The following CLEC16A variants were observed in gnomAD, a reference collection of about 807,000 sequenced individuals.
CLEC16A encodes C-type lectin domain containing 16A.
Under a neutral mutation model 109.5 loss-of-function variants are expected in CLEC16A, and 51 were observed. The ratio of observed to expected loss-of-function variants is 0.47; its 90% confidence interval spans 0.37 to 0.59. CLEC16A has a LOEUF of 0.59. Among genes scored for constraint, CLEC16A ranks in the 20% least tolerant of loss-of-function variants. CLEC16A has a pLI of 0.00. For synonymous variants in CLEC16A, 673 were observed against 564.2 expected (o/e 1.19, Z -2.73); for missense variants, 1,339 against 1,394.0 (o/e 0.96, Z 0.63).
At chr16:11,103,047 A>C (rs2051011464) in intron 19 of CLEC16A, among the ~76,000 whole-genome samples, 1 of 152,206 alleles carries the variant, frequency 6.6e-6, no homozygotes, top group Non-Finnish European at 1.5e-5. Flanking sequence ...AGGGACAGAC[A>C]CAGAGGGAGG....
chr16:10,981,021 C>G (rs1468481054), intron 9 of CLEC16A, among the ~76,000 whole-genome samples: 1 of 152,162 alleles, frequency 6.6e-6, no homozygotes, highest in African/African-American at 2.4e-5. Context: ...CTGGGCCCAG[C>G]TTTTTGAGTC....
At chr16:11,033,357 C>G (rs1467161472) in intron 13 of CLEC16A, among the ~76,000 whole-genome samples, 2 of 152,062 alleles carry the variant, frequency 1.3e-5, no homozygotes, top group Non-Finnish European at 2.9e-5. Flanking sequence ...CCCTGTGTGA[C>G]CAATAGTGCC....
intron 12 of CLEC16A, among the ~76,000 whole-genome samples, chr16:11,022,442 G>A (rs1179543853): frequency 6.9e-6 from 1 of 145,684 alleles, no homozygotes; most frequent in African/African-American, 2.6e-5. Flanking sequence ...TCCTGCCTCA[G>A]CCTTCCTGAG....
chr16:11,046,269 C>T (rs1392807887), intron 16 of CLEC16A, among the ~76,000 whole-genome samples: 5 of 152,128 alleles, frequency 3.3e-5, no homozygotes, highest in African/African-American at 7.2e-5. Flanking sequence ...GATCCCTTCT[C>T]CCAACCCAGA....
intron 1 of CLEC16A, among the ~76,000 whole-genome samples, chr16:10,948,164 A>G (rs1033539697): frequency 4.6e-5 from 7 of 152,186 alleles, no homozygotes; most frequent in Non-Finnish European, 5.9e-5. Flanking sequence ...AAGTGCTGGG[A>G]TTACAGGCAT....
chr16:10,987,726 A>G (rs542307133), intron 10 of CLEC16A, among the ~76,000 whole-genome samples: 1 of 152,332 alleles, frequency 6.6e-6, no homozygotes, highest in South Asian at 2.1e-4. Context: ...GGTACGATTT[A>G]CCTTCCTTCC....
intron 12 of CLEC16A, 79 bp from the exon 13 acceptor site, chr16:11,024,742 A>C (rs950887360): frequency 9.1e-6 from 10 of 1,097,862 alleles, no homozygotes; most frequent in Non-Finnish European, 1.3e-5. Flanking sequence ...GGCAGCTAGC[A>C]CCCCATGTGC....
intron 20 of CLEC16A, among the ~76,000 whole-genome samples, chr16:11,122,156 G>C (rs527790406): frequency 8.5e-5 from 13 of 152,314 alleles, no homozygotes; most frequent in Non-Finnish European, 1.6e-4. Context: ...CTGACCTGCT[G>C]TCTGTGTCCT....
chr16:11,151,927 C>T (rs943693852), intron 22 of CLEC16A, among the ~76,000 whole-genome samples: 2 of 152,038 alleles, frequency 1.3e-5, no homozygotes, highest in Non-Finnish European at 2.9e-5. Context: ...GTGAGGAACC[C>T]GGGAAGTGAG....
intron 6 of CLEC16A, 98 bp downstream of exon 6, chr16:10,972,657 G>A (rs1321206579): frequency 8.8e-7 from 1 of 1,135,772 alleles, no homozygotes; most frequent in Non-Finnish European, 1.3e-6. Context: ...GTCTAGCTCA[G>A]TCTGCTACTG....
intron 13 of CLEC16A, among the ~76,000 whole-genome samples, chr16:11,033,441 T>C (rs1161832082): frequency 6.6e-6 from 1 of 152,188 alleles, no homozygotes; most frequent in African/African-American, 2.4e-5. Context: ...TCCGGTGCCC[T>C]GAGGCCCAGG....
intron 10 of CLEC16A, among the ~76,000 whole-genome samples, chr16:10,991,457 G>C (rs899733176): frequency 2.7e-5 from 4 of 149,226 alleles, no homozygotes; most frequent in Non-Finnish European, 4.4e-5. Flanking sequence ...AGAACAGCCA[G>C]TGCAAAGGCC....
intron 22 of CLEC16A, among the ~76,000 whole-genome samples, chr16:11,160,733 C>G (rs1169037899): frequency 1.3e-5 from 2 of 152,212 alleles, no homozygotes; most frequent in Non-Finnish European, 2.9e-5. Flanking sequence ...ATTTCCCTCT[C>G]GGGTAAAAGA....
At chr16:11,097,551 G>T (rs1002433693) in intron 19 of CLEC16A, among the ~76,000 whole-genome samples, 16 of 152,028 alleles carry the variant, frequency 1.1e-4, no homozygotes, top group Non-Finnish European at 2.9e-5. Flanking sequence ...AAGGAGCACC[G>T]ACACAGAACT....
At chr16:10,994,932 G>T (rs560436565) in intron 10 of CLEC16A, among the ~76,000 whole-genome samples, 11 of 152,336 alleles carry the variant, frequency 7.2e-5, no homozygotes, top group African/African-American at 2.6e-4. Context: ...TCGTGTTTGA[G>T]CCATGTGGCA....
Position 11,182,147 on chromosome 16 carries a change from A to G in CLEC16A, c.*3457A>G, listed in dbSNP as rs1187940424. 6.6e-6 allele frequency: 1 copy of G among 152,226 alleles called. No individual in the cohort carries two copies. The highest frequency in any genetic ancestry group is 1.5e-5 in the Non-Finnish European group (1 of 68,038). 9.4% of individuals were successfully genotyped at this position (152,226 alleles called of 1,614,324 possible). On this transcript the variant is annotated 3_prime_UTR_variant, in exon 24 of 24. Transcript: ENST00000409790. ...GAAATGAAAACTGGAACTTCCTTGTAAATTTAAACTTGGCAATAAAAGAGA... is the reference window on the plus strand; with the variant it reads ...GAAATGAAAACTGGAACTTCCTTGTGAATTTAAACTTGGCAATAAAAGAGA...
chr16:11,097,581 T>G (rs1383035725), intron 19 of CLEC16A, among the ~76,000 whole-genome samples: 10 of 152,202 alleles, frequency 6.6e-5, no homozygotes, highest in African/African-American at 2.2e-4. Flanking sequence ...GCTGTTCTAA[T>G]TAACTCCCGG....
rs760728622 is a variant in CLEC16A at position 10,982,862 on chromosome 16, C to CT, written c.958-8dup. ...GCACACTTTCATGCAAATCCCGTTT[C>CT]TTTTTTTTCCGCCAGGTCTTCTTAA... On this transcript the variant is annotated splice_polypyrimidine_tract_variant and intron_variant, in intron 9 of 23. Coordinates refer to ENST00000409790, the MANE Select transcript of CLEC16A (RefSeq NM_015226.3). 7.4e-5 allele frequency: 109 copies of CT among 1,472,626 alleles called. No individual in the cohort carries two copies. Among genetic ancestry groups the CT allele is most frequent in the Middle Eastern group, 1.7e-4 (1 of 5,784 alleles). 91.2% of individuals were successfully genotyped at this position (1,472,626 alleles called of 1,614,324 possible).
At chr16:11,072,713 A>G (rs1283231972) in intron 19 of CLEC16A, among the ~76,000 whole-genome samples, 2 of 152,188 alleles carry the variant, frequency 1.3e-5, no homozygotes, top group African/African-American at 4.8e-5. Context: ...CATCAGAAAT[A>G]CTCAGCATCA....
Sources: gnomAD v4.1 joint callset for allele counts (sites outside exome capture counted in the v4.1 genomes callset) on GRCh38, gnomAD v4.1.1 for gene constraint, MANE v1.5 for transcripts, NCBI Gene and HGNC (gene_info 2026-07-23, HGNC 2026-07-21) for gene names.